The following CSMD2 variants were observed in gnomAD, a reference collection of about 807,000 sequenced individuals.
CSMD2 encodes CUB and sushi domain-containing protein 2.
In CSMD2, 130 loss-of-function variants were observed where a neutral mutation model predicts 398.5. That is an observed-to-expected ratio of 0.33 (90% CI 0.28 to 0.38). The LOEUF (loss-of-function observed/expected upper bound fraction) is 0.38, where lower values mean the gene tolerates loss of function less well. Ranked by LOEUF, CSMD2 falls within the 10% of genes least tolerant of loss-of-function variation. The pLI, the probability that CSMD2 is intolerant of heterozygous loss-of-function variation, is 1.00. For synonymous variants in CSMD2, 1,828 were observed against 1,908.5 expected (o/e 0.96, Z 1.10); for missense variants, 3,829 against 4,764.9 (o/e 0.80, Z 5.78).
chr1:33,865,662 T>G (rs533900124), intron 5 of CSMD2, among the ~76,000 whole-genome samples: 1 of 152,086 alleles, frequency 6.6e-6, no homozygotes, highest in African/African-American at 2.4e-5. Flanking sequence ...GTCCAGGGAA[T>G]GTGGACAGCC....
At chr1:33,970,106 CAAAAAAA>C (rs1217263931) in intron 3 of CSMD2, among the ~76,000 whole-genome samples, 1 of 98,806 alleles carries the variant, frequency 1.0e-5, no homozygotes, top group Admixed American at 1.1e-4. Flanking sequence ...AACTCCATCT[CAAAAAAA>C]AAAAAAAAGA....
At chr1:34,082,420 G>GCGCCCC (rs1657331340) in intron 2 of CSMD2, among the ~76,000 whole-genome samples, 1 of 151,920 alleles carries the variant, frequency 6.6e-6, no homozygotes, top group Non-Finnish European at 1.5e-5. Context: ...GAGGTGGGGG[G>GCGCCCC]CGCCCCCGCC....
At chr1:34,095,941 G>A (rs1659244366) in intron 1 of CSMD2, among the ~76,000 whole-genome samples, 1 of 152,014 alleles carries the variant, frequency 6.6e-6, no homozygotes, top group African/African-American at 2.4e-5. Context: ...ACCAAAGCTG[G>A]GCAGAGACAC....
In CSMD2 at chr1:33,772,583, T is replaced by G; in HGVS notation, c.1832A>C (p.Lys611Thr). The G allele has an allele frequency of 6.2e-7, 1 of 1,613,718 alleles. No individual in the cohort carries two copies. Among genetic ancestry groups the G allele is most frequent in the Non-Finnish European group, 8.5e-7 (1 of 1,179,724 alleles). Residue 611 changes from lysine to threonine, a missense_variant, in exon 13 of 71, where the codon AAG (lysine) becomes ACG (threonine). Lys to Thr is a moderately conservative substitution (Grantham distance 78). Around this residue, in one of 5 missense-constraint regions of CSMD2, gnomAD observed 2,001 missense variants for 2,567.1 expected, o/e 0.78. Transcript: ENST00000373381. ...TGCTCACTTACACACGCAGCCTGGCTTCTTAGCCGACCATTGGTTATTCTT... is the reference window on the plus strand; with the variant it reads ...TGCTCACTTACACACGCAGCCTGGCGTCTTAGCCGACCATTGGTTATTCTT... ...CQKNNQWSAK[K>T]PGCVFSCFFN...
chr1:33,865,058 C>T (rs1340920815), intron 5 of CSMD2, among the ~76,000 whole-genome samples: 1 of 150,162 alleles, frequency 6.7e-6, no homozygotes, highest in Non-Finnish European at 1.5e-5. Context: ...TGACTTGGGC[C>T]ACTGGGTGGG....
intron 48 of CSMD2, among the ~76,000 whole-genome samples, chr1:33,578,766 A>T (rs1279002412): frequency 6.6e-6 from 1 of 152,150 alleles, no homozygotes; most frequent in Non-Finnish European, 1.5e-5. Flanking sequence ...GCAGAGATGG[A>T]TAAGGCAGGA....
At position 33,645,344 on chromosome 1, in the gene CSMD2, TACACACACACACAC is replaced by T. The variant is rs4044501; in HGVS notation, c.4774+1290_4774+1303del. ...AGTGTTTAGTACATATGGAGCATTA[TACACACACACACAC>T]ACACACACACACACACACACACACA... On this transcript the variant is annotated intron_variant, in intron 29 of 70. Transcript: ENST00000373381. Among the ~76,000 whole-genome samples, 109 of 136,370 alleles carry T rather than the reference TACACACACACACAC, an allele frequency of 8.0e-4. 1 individual carries two copies. Among genetic ancestry groups the T allele is most frequent in the Middle Eastern group, 3.6e-3 (1 of 274 alleles). 89.5% of individuals were successfully genotyped at this position (136,370 alleles called of 152,430 possible). A position where few individuals can be genotyped will look rare whatever the true frequency, so the allele number is the denominator to read the frequency against.
In CSMD2 at chr1:33,614,541, C is replaced by T. The variant is rs1340653696; in HGVS notation, c.6096G>A (p.Met2032Ile). 25 of 1,611,722 alleles carry T rather than the reference C, an allele frequency of 1.6e-5. No homozygotes were observed. Among genetic ancestry groups the T allele is most frequent in the East Asian group, 2.2e-5 (1 of 44,822 alleles). Residue 2032 changes from methionine (M) to isoleucine (I), a missense_variant, in exon 40 of 71, where the codon ATG becomes ATA. By Grantham distance (10) the Met-to-Ile change is conservative. Transcript: ENST00000373381. ...GCAGTGCTATTTTCCAGGAGCAGTC[C>T]ATGTTACTGGGGTAGTTGCCTGGGA... ...PGFPGNYPSN[M>I]DCSWKIALPV...
intron 2 of CSMD2, among the ~76,000 whole-genome samples, chr1:34,048,192 T>C (rs1652762730): frequency 6.6e-6 from 1 of 152,202 alleles, no homozygotes; most frequent in African/African-American, 2.4e-5. Context: ...GCAGTGGCTA[T>C]GCAGCAGCTG....
chr1:34,054,537 C>T (rs1389349601), intron 2 of CSMD2, among the ~76,000 whole-genome samples: 4 of 151,994 alleles, frequency 2.6e-5, no homozygotes, highest in Admixed American at 6.6e-5. Context: ...CTGGCTAACA[C>T]GGTGAAATCC....
At chr1:33,770,947 G>A (rs890693671) in intron 13 of CSMD2, among the ~76,000 whole-genome samples, 1 of 152,186 alleles carries the variant, frequency 6.6e-6, no homozygotes, top group Non-Finnish European at 1.5e-5. Context: ...GCTCCTAAGA[G>A]CCAAAGGGCC....
chr1:33,954,542 G>A (rs1357630489), intron 3 of CSMD2, among the ~76,000 whole-genome samples: 6 of 152,204 alleles, frequency 3.9e-5, no homozygotes, highest in East Asian at 1.9e-4. Context: ...ACAGCCAAGC[G>A]GGAGAAGCAA....
intron 42 of CSMD2, among the ~76,000 whole-genome samples, chr1:33,604,810 T>C (rs1640474747): frequency 9.7e-6 from 1 of 102,976 alleles, no homozygotes; most frequent in Non-Finnish European, 2.2e-5. Context: ...TCCAGCCCTG[T>C]GTAGAAGGAG....
intron 13 of CSMD2, among the ~76,000 whole-genome samples, chr1:33,771,194 A>T (rs930722172): frequency 6.6e-6 from 1 of 152,016 alleles, no homozygotes; most frequent in African/African-American, 2.4e-5. Context: ...TGGGGCTCCC[A>T]CTGTGTGTAC....
chr1:34,067,203 A>G (rs544083884), intron 2 of CSMD2, among the ~76,000 whole-genome samples: 9 of 152,152 alleles, frequency 5.9e-5, no homozygotes, highest in South Asian at 2.1e-4. Context: ...TGAGAAATAT[A>G]TATTTACTCC....
intron 2 of CSMD2, among the ~76,000 whole-genome samples, chr1:34,082,655 G>A (rs1319383855): frequency 6.6e-6 from 1 of 152,256 alleles, no homozygotes; most frequent in Non-Finnish European, 1.5e-5. Context: ...GGGGAAAAGA[G>A]AGATCAGATT....
intron 5 of CSMD2, among the ~76,000 whole-genome samples, chr1:33,893,561 G>A (rs1416826950): frequency 6.6e-6 from 1 of 152,126 alleles, no homozygotes; most frequent in Non-Finnish European, 1.5e-5. Context: ...GGGAATGCTG[G>A]GGCACATCTA....
intron 1 of CSMD2, among the ~76,000 whole-genome samples, chr1:34,113,757 T>C (rs1448397144): frequency 1.3e-5 from 2 of 152,126 alleles, no homozygotes; most frequent in African/African-American, 2.4e-5. Flanking sequence ...AGTTAAGAAG[T>C]TACAGTACCC....
intron 12 of CSMD2, among the ~76,000 whole-genome samples, chr1:33,781,509 C>T (rs1000523613): frequency 9.9e-5 from 15 of 152,186 alleles, no homozygotes; most frequent in African/African-American, 3.6e-4. Flanking sequence ...AACAGATGAG[C>T]TCATTTCTAA....
Sources: gnomAD v4.1 joint callset for allele counts (sites outside exome capture counted in the v4.1 genomes callset) on GRCh38, gnomAD v4.1.1 for gene constraint, gnomAD v4.1.1 regional missense constraint, MANE v1.5 for transcripts, NCBI Gene and HGNC (gene_info 2026-07-23, HGNC 2026-07-21) for gene names.